HSF5: variants seen among roughly 807,000 people sequenced by gnomAD.
HSF5 encodes heat shock factor protein 5.
In HSF5, 5 loss-of-function variants were observed where a neutral mutation model predicts 50.8. The observed-to-expected ratio is 0.10, with a 90% CI of 0.05 to 0.21. The LOEUF (loss-of-function observed/expected upper bound fraction) is 0.21. Ranked by LOEUF, HSF5 falls within the 10% of genes least tolerant of loss-of-function variation. The pLI is 1.00. For missense variants in HSF5, 564 were observed against 762.6 expected, an observed-to-expected ratio of 0.74 and a Z score of 3.07; for synonymous variants, 307 against 307.4, an observed-to-expected ratio of 1.00 and a Z score of 0.02.
At chr17:58,480,811 C>T (rs1476181424) in intron 1 of HSF5, among the ~76,000 whole-genome samples, 1 of 152,112 alleles carries the variant, frequency 6.6e-6, no homozygotes, top group South Asian at 2.1e-4. Context: ...ATCTAGCAAC[C>T]GGGTCTCACT....
intron 3 of HSF5, 38 bp downstream of exon 3, chr17:58,466,847 T>C: frequency 1.6e-6 from 2 of 1,272,384 alleles, no homozygotes; most frequent in Non-Finnish European, 2.3e-6. Flanking sequence ...AAATTGCACA[T>C]AAAGCGCGGA....
chr17:58,484,485 G>C (rs1975141599), intron 1 of HSF5, among the ~76,000 whole-genome samples: 1 of 151,984 alleles, frequency 6.6e-6, no homozygotes, highest in African/African-American at 2.4e-5. Flanking sequence ...TGGTTTTTAT[G>C]TGTGTGTGTA....
intron 5 of HSF5, among the ~76,000 whole-genome samples, chr17:58,454,929 C>T (rs1974689010): frequency 6.6e-6 from 1 of 151,954 alleles, no homozygotes; most frequent in Non-Finnish European, 1.5e-5. Context: ...TTAATGCAAG[C>T]CTTATCAAAA....
intron 5 of HSF5, among the ~76,000 whole-genome samples, chr17:58,428,459 A>G (rs557349334): frequency 9.9e-4 from 151 of 152,266 alleles, no homozygotes; most frequent in Non-Finnish European, 1.5e-3. Context: ...GGAGATCGAG[A>G]CCATCCTGGC....
Position 58,422,296 on chromosome 17 carries a change from A to G in HSF5, c.*64T>C. On this transcript the variant is annotated 3_prime_UTR_variant, in exon 6 of 6. Transcript: ENST00000323777. ...ACTGAAAAAATCCCAACAGTTTGTCATGTGCAAGGCTAGTCTGCCTCCAGC... is the reference window on the plus strand; with the variant it reads ...ACTGAAAAAATCCCAACAGTTTGTCGTGTGCAAGGCTAGTCTGCCTCCAGC... The G allele has an allele frequency of 8.7e-7, 1 of 1,146,184 alleles. No homozygotes were observed. The highest frequency in any genetic ancestry group is 2.0e-5 in the Admixed American group (1 of 48,840). 71.0% of individuals were successfully genotyped at this position (1,146,184 alleles called of 1,614,324 possible).
Position 58,455,901 on chromosome 17 carries a change from A to G in HSF5, c.1720+2867T>C, listed in dbSNP as rs184688691. The stretch of plus-strand genomic sequence containing the variant: ...TATTTGTAGGAATGTAAGTTAGCAT[A>G]GCATTATAGAAAAACAGTATGAAGG... On this transcript the variant is annotated intron_variant, in intron 5 of 5. Transcript: ENST00000323777. 1.3e-4 allele frequency among the ~76,000 whole-genome samples: 20 copies of G among 152,264 alleles called. 1 individual carries two copies. In the East Asian group the frequency reaches 3.3e-3, roughly 25 times the overall value.
intron 5 of HSF5, among the ~76,000 whole-genome samples, chr17:58,456,166 TACACACACAC>T (rs750773079): frequency 7.1e-6 from 1 of 141,318 alleles, no homozygotes; most frequent in African/African-American, 2.7e-5. Flanking sequence ...TGTGTGTATA[TACACACACAC>T]ACACACACAC....
intron 2 of HSF5, among the ~76,000 whole-genome samples, chr17:58,479,127 G>A (rs940213108): frequency 6.6e-6 from 1 of 151,836 alleles, no homozygotes; most frequent in African/African-American, 2.4e-5. Flanking sequence ...TTTTACTAAA[G>A]AATTCAATGT....
Position 58,468,497 on chromosome 17 carries a change from C to T in HSF5, c.926-1518G>A, listed in dbSNP as rs913037560. On this transcript the variant is annotated intron_variant, in intron 2 of 5. Coordinates refer to ENST00000323777, the MANE Select transcript of HSF5 (RefSeq NM_001080439.3). The stretch of plus-strand genomic sequence containing the variant: ...GTAGTTTTACTAGAATTCTACTTGC[C>T]GAATATCTTTAAAGGTGTCTTTATC... 3.3e-5 allele frequency among the ~76,000 whole-genome samples: 5 copies of T among 152,166 alleles called. No homozygotes were observed. The South Asian group carries it at 1.0e-3, about 32-fold the overall frequency.
intron 4 of HSF5, among the ~76,000 whole-genome samples, chr17:58,462,163 G>A (rs1013318481): frequency 3.9e-5 from 6 of 152,218 alleles, no homozygotes; most frequent in African/African-American, 1.4e-4. Context: ...ATGTACTTTT[G>A]ATGAATTATT....
At chr17:58,447,978 A>G (rs1208930300) in intron 5 of HSF5, among the ~76,000 whole-genome samples, 4 of 152,032 alleles carry the variant, frequency 2.6e-5, no homozygotes, top group African/African-American at 7.2e-5. Context: ...GAGAAACTGC[A>G]TCTCTACTAA....
At chr17:58,451,612 A>G (rs1446185491) in intron 5 of HSF5, among the ~76,000 whole-genome samples, 2 of 152,234 alleles carry the variant, frequency 1.3e-5, no homozygotes, top group Non-Finnish European at 2.9e-5. Flanking sequence ...AGAAATTAAA[A>G]AGAAAATTTA....
intron 5 of HSF5, among the ~76,000 whole-genome samples, chr17:58,436,932 AC>A (rs111640529): frequency 0.26 from 39,233 of 151,986 alleles, 5,678 homozygotes; most frequent in African/African-American, 0.38. Context: ...TTGACTAGTG[AC>A]AAGGAAAGAT....
At chr17:58,441,492 C>A (rs907804543) in intron 5 of HSF5, among the ~76,000 whole-genome samples, 1 of 151,410 alleles carries the variant, frequency 6.6e-6, no homozygotes, top group African/African-American at 2.4e-5. Context: ...CAAAGTGATA[C>A]GAGAAAGGAA....
chr17:58,435,755 C>T (rs889344549), intron 5 of HSF5, among the ~76,000 whole-genome samples: 2 of 151,220 alleles, frequency 1.3e-5, no homozygotes, highest in East Asian at 1.9e-4. Flanking sequence ...AAAAATTAGC[C>T]GGGCATGGTG....
chr17:58,485,095 C>T (rs1189320141), intron 1 of HSF5, among the ~76,000 whole-genome samples: 1 of 151,804 alleles, frequency 6.6e-6, no homozygotes, highest in African/African-American at 2.4e-5. Context: ...GCTGGGACTA[C>T]AGGCACCCGC....
chr17:58,470,962 T>C (rs1974936029), intron 2 of HSF5, among the ~76,000 whole-genome samples: 1 of 152,140 alleles, frequency 6.6e-6, no homozygotes, highest in African/African-American at 2.4e-5. Flanking sequence ...TTAAATATAT[T>C]ATTCCACTTA....
Position 58,422,402 on chromosome 17 carries a change from G to A in HSF5, c.1749C>T (p.Cys583=), listed in dbSNP as rs960299108. The stretch of plus-strand genomic sequence containing the variant: ...CCTCCTTTGGAAAGCGCTCCTGCTT[G>A]CAGGCCACGTCCACCAGCAGATGAA... ...PDLHLLVDVA[C]KQERFPKEEE... is the part of the protein sequence containing the mutation. The change falls in exon 6 of 6, where the codon TGC becomes TGT. Residue 583 remains cysteine (C), a synonymous_variant. Transcript: ENST00000323777. 1 of 1,613,942 alleles carries A rather than the reference G, an allele frequency of 6.2e-7. No individual in the cohort carries two copies. The highest frequency in any genetic ancestry group is 8.5e-7 in the Non-Finnish European group (1 of 1,179,912).
chr17:58,435,321 G>C (rs1974412823), intron 5 of HSF5, among the ~76,000 whole-genome samples: 2 of 148,606 alleles, frequency 1.3e-5, no homozygotes. Flanking sequence ...GGCCAAGGTG[G>C]GTAGATCACC....
Sources: gnomAD v4.1 joint callset for allele counts (sites outside exome capture counted in the v4.1 genomes callset) on GRCh38, gnomAD v4.1.1 for gene constraint, MANE v1.5 for transcripts, NCBI Gene and HGNC (gene_info 2026-07-23, HGNC 2026-07-21) for gene names.